Variants in RFX7 observed in about 807,000 individuals in gnomAD.
The protein encoded by RFX7 is DNA-binding protein RFX7.
A neutral mutation model predicts 111.8 loss-of-function variants in RFX7; 26 were observed. That is an observed-to-expected ratio of 0.23 (90% CI 0.17 to 0.32). The LOEUF is 0.32. Ranked by LOEUF, RFX7 falls within the 10% of genes least tolerant of loss-of-function variation. RFX7 has a pLI of 1.00. For missense variants in RFX7, 1,573 were observed against 1,772.9 expected (o/e 0.89, Z 2.02); for synonymous variants, 624 against 624.4 (o/e 1.00, Z 0.01).
intron 5 of RFX7, among the ~76,000 whole-genome samples, chr15:56,140,607 C>T (rs1018257343): frequency 5.3e-5 from 8 of 152,148 alleles, no homozygotes; most frequent in African/African-American, 1.7e-4. Context: ...TGTTCCTATT[C>T]GGCCATCTTG....
chr15:56,215,713 G>T (rs1335374521), intron 2 of RFX7, among the ~76,000 whole-genome samples: 1 of 152,158 alleles, frequency 6.6e-6, no homozygotes, highest in African/African-American at 2.4e-5. Flanking sequence ...GAGTAGGAAT[G>T]TATATTTGCT....
chr15:56,155,880 G>C (rs2042646030), intron 3 of RFX7, among the ~76,000 whole-genome samples: 1 of 151,900 alleles, frequency 6.6e-6, no homozygotes, highest in Non-Finnish European at 1.5e-5. Context: ...TATTAACCAA[G>C]AATATAATTA....
At chr15:56,232,938 T>C (rs2043582616) in intron 2 of RFX7, among the ~76,000 whole-genome samples, 1 of 152,210 alleles carries the variant, frequency 6.6e-6, no homozygotes, top group Admixed American at 6.5e-5. Context: ...AGTTCCAAAC[T>C]TTCTCACAAA....
intron 5 of RFX7, among the ~76,000 whole-genome samples, chr15:56,119,636 G>C (rs1414674324): frequency 6.6e-6 from 1 of 151,976 alleles, no homozygotes; most frequent in Non-Finnish European, 1.5e-5. Flanking sequence ...AAAAAATTAG[G>C]CATGGTGGTG....
chr15:56,155,125 A>G (rs570321270), intron 3 of RFX7, among the ~76,000 whole-genome samples: 1 of 152,298 alleles, frequency 6.6e-6, no homozygotes, highest in South Asian at 2.1e-4. Context: ...GTCAGGAAAC[A>G]ACAGATTCTG....
intron 8 of RFX7, among the ~76,000 whole-genome samples, chr15:56,101,034 A>G (rs760366444): frequency 6.6e-6 from 1 of 152,178 alleles, no homozygotes; most frequent in Non-Finnish European, 1.5e-5. Flanking sequence ...ACATATACAT[A>G]TATGTACATA....
At chr15:56,225,650 C>A (rs2043474758) in intron 2 of RFX7, among the ~76,000 whole-genome samples, 1 of 152,128 alleles carries the variant, frequency 6.6e-6, no homozygotes, top group South Asian at 2.1e-4. Context: ...TAGCTTAATT[C>A]CTCTCTGCCT....
rs1373647220 is a variant in RFX7, at chr15:56,095,847, A to C, written c.1881T>G (p.Ala627=). The C allele has an allele frequency of 1.2e-6, 2 of 1,607,760 alleles. No individual in the cohort carries two copies. Among genetic ancestry groups the C allele is most frequent in the Non-Finnish European group, 1.7e-6 (2 of 1,179,838 alleles). The stretch of plus-strand genomic sequence containing the variant: ...TGCTGGTGAAAGTTAAGTTCTGAGA[A>C]GCAACTGATAGAGTGATAGTGCTTT... ...NNQSTITLSV[A]SQNLTFTSSS... The change falls in exon 10 of 10, where the codon GCT becomes GCG. Residue 627 remains alanine, a synonymous_variant. Coordinates refer to ENST00000559447, the MANE Select transcript of RFX7 (RefSeq NM_022841.7).
At chr15:56,190,953 G>T (rs2043094403) in intron 2 of RFX7, among the ~76,000 whole-genome samples, 1 of 152,200 alleles carries the variant, frequency 6.6e-6, no homozygotes, top group African/African-American at 2.4e-5. Flanking sequence ...TATTTTTAAA[G>T]TATATTCAGA....
rs1177297533 is a variant in RFX7, at chr15:56,243,832, G to GGCCGCCGCT, written c.-399_-391dup. On this transcript the variant is annotated 5_prime_UTR_variant, in exon 1 of 10. Coordinates refer to ENST00000559447, the MANE Select transcript of RFX7 (RefSeq NM_022841.7). ...TCGCTCCCGGCCCCGCCGCCGCCGC[G>GGCCGCCGCT]GCCGCCGCTGCCCTGCCAGCCCCGG... Among the ~76,000 whole-genome samples the GGCCGCCGCT allele has an allele frequency of 2.9e-4, 42 of 147,140 alleles. No homozygotes were observed. The highest frequency in any genetic ancestry group is 9.3e-4 in the African/African-American group (38 of 40,898).
chr15:56,237,207 G>C (rs2043633169), intron 2 of RFX7, among the ~76,000 whole-genome samples: 1 of 152,100 alleles, frequency 6.6e-6, no homozygotes, highest in East Asian at 1.9e-4. Context: ...AGGAAACTAA[G>C]GTCTACTTTT....
intron 2 of RFX7, among the ~76,000 whole-genome samples, chr15:56,230,342 T>C (rs571537333): frequency 1.3e-5 from 2 of 152,176 alleles, no homozygotes; most frequent in South Asian, 2.1e-4. Flanking sequence ...TCTAGGTACA[T>C]AGTGAAAGAT....
chr15:56,172,571 A>G (rs2141112951), intron 3 of RFX7, among the ~76,000 whole-genome samples: 1 of 152,272 alleles, frequency 6.6e-6, no homozygotes, highest in Non-Finnish European at 1.5e-5. Context: ...CTGTTGAGAG[A>G]TAAGGGAAAG....
At chr15:56,202,408 A>G (rs914456323) in intron 2 of RFX7, among the ~76,000 whole-genome samples, 2 of 152,182 alleles carry the variant, frequency 1.3e-5, no homozygotes, top group Admixed American at 6.5e-5. Context: ...ACACATCTCA[A>G]TTTGATTTAG....
chr15:56,112,379 C>CAAAAAAAAAAAAAAAAAAAAAA (rs71110374), intron 5 of RFX7, among the ~76,000 whole-genome samples: 2 of 71,768 alleles, frequency 2.8e-5, no homozygotes, highest in African/African-American at 5.7e-5. Context: ...GAGTACAAAT[C>CAAAAAAAAAAAAAAAAAAAAAA]AAAAAAAAAA....
Position 56,142,870 on chromosome 15 carries a change from T to G in RFX7, c.309A>C (p.Ala103=). ...SDQNAMSSSR[A]QQMHAFSWIR... The stretch of plus-strand genomic sequence containing the variant: ...TCCAGGAAAAGGCATGCATTTGTTG[T>G]GCCCGACTAGATGACATGGCATTCT... Residue 103 remains alanine (A), a synonymous_variant, in exon 5 of 10, where the codon GCA becomes GCC. Transcript: ENST00000559447. 1 of 1,613,688 alleles carries G rather than the reference T, an allele frequency of 6.2e-7. No homozygotes were observed. Among genetic ancestry groups the G allele is most frequent in the Non-Finnish European group, 8.5e-7 (1 of 1,179,748 alleles).
chr15:56,196,677 A>G (rs1435586435), intron 2 of RFX7, among the ~76,000 whole-genome samples: 5 of 152,162 alleles, frequency 3.3e-5, no homozygotes, highest in South Asian at 4.1e-4. Flanking sequence ...TCAAGCCACC[A>G]GAACTGGTAA....
intron 2 of RFX7, among the ~76,000 whole-genome samples, chr15:56,208,479 C>T (rs1335770696): frequency 6.6e-6 from 1 of 152,144 alleles, no homozygotes; most frequent in Non-Finnish European, 1.5e-5. Flanking sequence ...ACAGCAGATC[C>T]TTTTATTCAG....
At chr15:56,135,016 G>A (rs1288981122) in intron 5 of RFX7, among the ~76,000 whole-genome samples, 1 of 152,130 alleles carries the variant, frequency 6.6e-6, no homozygotes, top group African/African-American at 2.4e-5. Flanking sequence ...GTCTATCATT[G>A]TTGGACATTT....
Sources: gnomAD v4.1 joint callset for allele counts (sites outside exome capture counted in the v4.1 genomes callset) on GRCh38, gnomAD v4.1.1 for gene constraint, MANE v1.5 for transcripts, NCBI Gene and HGNC (gene_info 2026-07-23, HGNC 2026-07-21) for gene names.